GRID2: variants seen among roughly 807,000 people sequenced by gnomAD.
GRID2 encodes glutamate ionotropic receptor delta type subunit 2.
In GRID2, 33 loss-of-function variants were observed where a neutral mutation model predicts 114.8. The observed-to-expected ratio is 0.29, with a 90% CI of 0.22 to 0.38. The LOEUF (loss-of-function observed/expected upper bound fraction) is 0.38. GRID2 is among the 10% of genes least tolerant of loss of function. The pLI, the probability that GRID2 is intolerant of heterozygous loss-of-function variation, is 1.00. For synonymous variants in GRID2, 505 were observed against 449.9 expected (o/e 1.12, Z -1.55); for missense variants, 1,184 against 1,257.7 (o/e 0.94, Z 0.89).
At chr4:93,240,003 G>A (rs1413237360) in intron 8 of GRID2, among the ~76,000 whole-genome samples, 1 of 151,370 alleles carries the variant, frequency 6.6e-6, no homozygotes, top group Non-Finnish European at 1.5e-5. Context: ...CATTTATATT[G>A]CTGTATTGTT....
intron 1 of GRID2, among the ~76,000 whole-genome samples, chr4:92,322,198 A>G (rs1305201944): frequency 2.6e-5 from 4 of 152,088 alleles, no homozygotes; most frequent in African/African-American, 4.8e-5. Flanking sequence ...TCTGGTAAGT[A>G]TGTGGATTTA....
intron 12 of GRID2, among the ~76,000 whole-genome samples, chr4:93,503,875 C>A (rs1728377778): frequency 1.3e-5 from 2 of 152,100 alleles, no homozygotes; most frequent in African/African-American, 4.8e-5. Context: ...ACCTACTGGA[C>A]TGAGAAGAGG....
chr4:92,485,348 A>G (rs200854259), intron 1 of GRID2, among the ~76,000 whole-genome samples: 2 of 49,518 alleles, frequency 4.0e-5, no homozygotes, highest in African/African-American at 7.8e-5. Context: ...ATATATATAT[A>G]GTGTGTGTGT....
At chr4:92,537,652 C>T (rs1236520996) in intron 1 of GRID2, among the ~76,000 whole-genome samples, 2 of 152,050 alleles carry the variant, frequency 1.3e-5, no homozygotes, top group Non-Finnish European at 2.9e-5. Context: ...GCTTGTTCTG[C>T]AAGCAATTCT....
At chr4:93,020,070 G>A (rs775259330) in intron 2 of GRID2, among the ~76,000 whole-genome samples, 2 of 151,942 alleles carry the variant, frequency 1.3e-5, no homozygotes, top group Non-Finnish European at 2.9e-5. Flanking sequence ...TTATAAAACG[G>A]GAATGAAAAT....
chr4:92,610,362 T>C (rs1197989883), intron 2 of GRID2, among the ~76,000 whole-genome samples: 1 of 151,636 alleles, frequency 6.6e-6, no homozygotes, highest in Non-Finnish European at 1.5e-5. Context: ...CTGTCTTATT[T>C]AATACCCACT....
intron 1 of GRID2, among the ~76,000 whole-genome samples, chr4:92,583,067 A>G (rs781034516): frequency 1.4e-4 from 22 of 152,138 alleles, no homozygotes; most frequent in Non-Finnish European, 2.9e-4. Flanking sequence ...ATATATTGCC[A>G]GTTATTAAGC....
intron 1 of GRID2, among the ~76,000 whole-genome samples, chr4:92,572,818 AATG>A (rs1298384707): frequency 1.3e-5 from 2 of 152,022 alleles, no homozygotes; most frequent in East Asian, 3.9e-4. Flanking sequence ...TTGGTATCAG[AATG>A]ATGATGGCCT....
intron 10 of GRID2, among the ~76,000 whole-genome samples, chr4:93,429,892 T>C (rs1769237142): frequency 6.6e-6 from 1 of 152,176 alleles, no homozygotes; most frequent in South Asian, 2.1e-4. Flanking sequence ...GAGTAAAGAA[T>C]GTTTTTGAAA....
At chr4:92,824,646 T>A (rs1578244648) in intron 2 of GRID2, among the ~76,000 whole-genome samples, 1 of 152,132 alleles carries the variant, frequency 6.6e-6, no homozygotes, top group Non-Finnish European at 1.5e-5. Flanking sequence ...TTGTCTCTTA[T>A]CAGTCCATTC....
intron 1 of GRID2, among the ~76,000 whole-genome samples, chr4:92,531,751 T>C (rs897388805): frequency 2.9e-4 from 44 of 152,026 alleles, no homozygotes; most frequent in African/African-American, 1.0e-3. Context: ...TTAAAAACCA[T>C]AGCTATGACA....
intron 2 of GRID2, among the ~76,000 whole-genome samples, chr4:92,838,626 A>G (rs780405857): frequency 2.0e-5 from 3 of 152,152 alleles, no homozygotes; most frequent in Admixed American, 2.0e-4. Context: ...CATTTCTATT[A>G]TCAAATGTAA....
chr4:93,159,046 T>C (rs1737438168), intron 4 of GRID2, among the ~76,000 whole-genome samples: 1 of 151,676 alleles, frequency 6.6e-6, no homozygotes, highest in Non-Finnish European at 1.5e-5. Flanking sequence ...ATTTTAATGG[T>C]ATCATCAGTT....
intron 1 of GRID2, among the ~76,000 whole-genome samples, chr4:92,535,749 C>T (rs1221106953): frequency 6.6e-6 from 1 of 152,216 alleles, no homozygotes; most frequent in Admixed American, 6.5e-5. Context: ...GTCTCGCTAA[C>T]TTCAAGAATG....
intron 2 of GRID2, among the ~76,000 whole-genome samples, chr4:93,010,887 A>G (rs887375594): frequency 5.3e-5 from 8 of 152,024 alleles, no homozygotes; most frequent in Admixed American, 6.5e-5. Context: ...TCCTTCTTCA[A>G]TGGCACTTAT....
chr4:92,944,864 C>G (rs539270884), intron 2 of GRID2, among the ~76,000 whole-genome samples: 2 of 151,918 alleles, frequency 1.3e-5, no homozygotes, highest in Non-Finnish European at 2.9e-5. Context: ...AAAGGGCAAA[C>G]CTTATATATT....
intron 2 of GRID2, among the ~76,000 whole-genome samples, chr4:92,812,588 C>A (rs1211644922): frequency 6.6e-6 from 1 of 151,590 alleles, no homozygotes; most frequent in Admixed American, 6.6e-5. Flanking sequence ...AGCATAATAC[C>A]CCTGTTTTAA....
intron 2 of GRID2, among the ~76,000 whole-genome samples, chr4:92,956,723 A>T (rs1198230058): frequency 1.3e-5 from 2 of 152,338 alleles, no homozygotes; most frequent in African/African-American, 2.4e-5. Flanking sequence ...TCATTTTCTA[A>T]GAAGCTGCCT....
intron 8 of GRID2, among the ~76,000 whole-genome samples, chr4:93,261,869 A>G (rs1193721096): frequency 2.0e-5 from 3 of 151,460 alleles, no homozygotes; most frequent in Admixed American, 1.3e-4. Flanking sequence ...TTTTCTGTAT[A>G]TATGTATGTA....
Sources: gnomAD v4.1 joint callset for allele counts (sites outside exome capture counted in the v4.1 genomes callset) on GRCh38, gnomAD v4.1.1 for gene constraint, MANE v1.5 for transcripts, NCBI Gene and HGNC (gene_info 2026-07-23, HGNC 2026-07-21) for gene names.